Variants in DLGAP3 observed in about 807,000 individuals in gnomAD.
The protein encoded by DLGAP3 is DLG associated protein 3.
A neutral mutation model predicts 81.2 loss-of-function variants in DLGAP3; 17 were observed. The ratio of observed to expected loss-of-function variants is 0.21; its 90% CI spans 0.14 to 0.31. The LOEUF (loss-of-function observed/expected upper bound fraction) is 0.31, where lower values mean the gene tolerates loss of function less well. Among genes scored for constraint, DLGAP3 ranks in the 10% least tolerant of loss-of-function variants. DLGAP3 has a pLI of 1.00. For missense variants in DLGAP3, 1,124 were observed against 1,388.0 expected (o/e 0.81, Z 3.02); for synonymous variants, 577 against 587.4 (o/e 0.98, Z 0.26).
intron 7 of DLGAP3, 109 bp downstream of exon 7, chr1:34,885,369 G>T: frequency 7.8e-7 from 1 of 1,287,042 alleles, no homozygotes; most frequent in Non-Finnish European, 1.1e-6. Context: ...TTGCAGCTCA[G>T]GGCAAGCCAG....
At chr1:34,905,963 A>G (rs1212274123) in intron 2 of DLGAP3, among the ~76,000 whole-genome samples, 2 of 144,200 alleles carry the variant, frequency 1.4e-5, no homozygotes, top group Non-Finnish European at 3.0e-5. Context: ...CTATGATTGT[A>G]TTATACCAAT....
At position 34,867,451 on chromosome 1, in the gene DLGAP3, C is replaced by T; in HGVS notation, c.2577+85G>A. The T allele has an allele frequency of 7.9e-7, 1 of 1,263,840 alleles. No individual in the cohort carries two copies. Among genetic ancestry groups the T allele is most frequent in the South Asian group, 1.2e-5 (1 of 84,070 alleles). The allele number at this position is 1,263,840 out of a possible 1,614,324, so 78.3% of individuals were successfully genotyped here. A position where few individuals can be genotyped will look rare whatever the true frequency, so the allele number is the denominator to read the frequency against. ...GTCTCACCTCTGGTACACACTCACT[C>T]TGGGTCACCTGCCTGTCTCACCTCC... On this transcript the variant is annotated intron_variant, in intron 10 of 11. Coordinates refer to ENST00000373347, the MANE Select transcript of DLGAP3 (RefSeq NM_001080418.3). The surrounding 1 kb of genome is among the most constrained non-coding windows in gnomAD (Gnocchi z 4.3).
At chr1:34,898,038 G>C (rs945657643) in intron 5 of DLGAP3, among the ~76,000 whole-genome samples, 1 of 152,188 alleles carries the variant, frequency 6.6e-6, no homozygotes, top group African/African-American at 2.4e-5. Context: ...CAGCAGTTTA[G>C]TTTTGGACAT....
At chr1:34,919,943 A>G (rs1256683650) in intron 1 of DLGAP3, among the ~76,000 whole-genome samples, 1 of 152,208 alleles carries the variant, frequency 6.6e-6, no homozygotes, top group Non-Finnish European at 1.5e-5. Context: ...TCCTAAGTCC[A>G]TACTTGGCTA....
chr1:34,917,362 T>G (rs1026032143), intron 1 of DLGAP3, among the ~76,000 whole-genome samples: 6 of 151,302 alleles, frequency 4.0e-5, no homozygotes, highest in Non-Finnish European at 8.8e-5. Flanking sequence ...TTTTTTTTTT[T>G]TTCGAGATAG....
At chr1:34,918,895 G>A (rs563104238) in intron 1 of DLGAP3, among the ~76,000 whole-genome samples, 6 of 152,286 alleles carry the variant, frequency 3.9e-5, no homozygotes, top group Admixed American at 2.0e-4. Flanking sequence ...CTAGGGCCGG[G>A]GCCAAGCTAG....
chr1:34,884,247 T>C (rs1465792540), intron 8 of DLGAP3, among the ~76,000 whole-genome samples: 13 of 151,970 alleles, frequency 8.6e-5, no homozygotes, highest in Non-Finnish European at 1.8e-4. Context: ...CCTCCAGTCG[T>C]ATGGCCTGGG....
At chr1:34,897,921 A>C (rs1466784433) in intron 5 of DLGAP3, among the ~76,000 whole-genome samples, 2 of 152,190 alleles carry the variant, frequency 1.3e-5, no homozygotes, top group Non-Finnish European at 2.9e-5. Context: ...TTTAAACCAG[A>C]GCTTCTAGAA....
intron 8 of DLGAP3, among the ~76,000 whole-genome samples, chr1:34,877,390 A>T (rs1639074794): frequency 6.6e-6 from 1 of 152,216 alleles, no homozygotes; most frequent in Admixed American, 6.5e-5. Flanking sequence ...TCAAATGAGT[A>T]TTACCTGTGA....
chr1:34,867,350 C>T lies in DLGAP3; in HGVS notation c.2578-159G>A, dbSNP rs1166887521. ...GGGGACAAGAGCGAGCCCAGGACTC[C>T]CCTTCTTGTGCACAAACACCTGGTC... On this transcript the variant is annotated intron_variant, in intron 10 of 11. Coordinates refer to ENST00000373347, the MANE Select transcript of DLGAP3 (RefSeq NM_001080418.3). This position sits in a 1 kb window ranked among gnomAD's most constrained non-coding sequence, Gnocchi z 4.3. Among the ~76,000 whole-genome samples the T allele has an allele frequency of 6.6e-6, 1 of 152,060 alleles. No homozygotes were observed. Among genetic ancestry groups the T allele is most frequent in the African/African-American group, 2.4e-5 (1 of 41,376 alleles).
chr1:34,904,694 ATGG>A lies in DLGAP3; in HGVS notation c.687_689del (p.His234del). Reference sequence around the variant, plus strand: ...CGTGCCGGGACTGGTGGTGGTGGTGATGGTGGTGGTGATGGTGGTGATGGGAGG... The same window carrying A: ...CGTGCCGGGACTGGTGGTGGTGGTGATGGTGGTGATGGTGGTGATGGGAGG... On this transcript the variant is annotated inframe_deletion, in exon 3 of 12. Coordinates refer to ENST00000373347, the MANE Select transcript of DLGAP3 (RefSeq NM_001080418.3). This position sits in a 1 kb window ranked among gnomAD's most constrained non-coding sequence, Gnocchi z 8.1. 6.2e-7 allele frequency: 1 copy of A among 1,613,412 alleles called. No individual in the cohort carries two copies. The highest frequency in any genetic ancestry group is 8.5e-7 in the Non-Finnish European group (1 of 1,179,906).
chr1:34,888,919 C>T (rs562150579), intron 5 of DLGAP3, among the ~76,000 whole-genome samples: 1 of 152,312 alleles, frequency 6.6e-6, no homozygotes, highest in South Asian at 2.1e-4. Flanking sequence ...CCCAGAGTGT[C>T]CCTCTTGGAG....
Position 34,868,346 on chromosome 1 carries a change from C to G in DLGAP3, c.2485+259G>C, listed in dbSNP as rs1176736476. 6.6e-6 allele frequency among the ~76,000 whole-genome samples: 1 copy of G among 152,234 alleles called. No individual in the cohort carries two copies. Among genetic ancestry groups the G allele is most frequent in the Non-Finnish European group, 1.5e-5 (1 of 68,028 alleles). On this transcript the variant is annotated intron_variant, in intron 9 of 11. Transcript: ENST00000373347. The surrounding 1 kb of genome is among the most constrained non-coding windows in gnomAD (Gnocchi z 7.5). ...GACTAGCAGCCATCCATAGAAGGCC[C>G]AGCCCTTTGGCCTGCAGTGTCTGCA...
In DLGAP3 at chr1:34,896,421, T is replaced by C. The variant is rs150512796; in HGVS notation, c.1386+3248A>G. ...GGCCAACATAGTGAAACCCCGTCTC[T>C]ACTACAAATACAAAACAGTTAGCCA... On this transcript the variant is annotated intron_variant, in intron 5 of 11. Transcript: ENST00000373347. Among the ~76,000 whole-genome samples the C allele has an allele frequency of 7.8e-4, 118 of 152,200 alleles. No homozygotes were observed. In the East Asian group the frequency reaches 0.016, roughly 21 times the overall value.
At chr1:34,927,105 C>T (rs1325949380) in intron 1 of DLGAP3, among the ~76,000 whole-genome samples, 1 of 152,176 alleles carries the variant, frequency 6.6e-6, no homozygotes, top group African/African-American at 2.4e-5. Flanking sequence ...CCATGGCCTA[C>T]CTCGGTGGTG....
Position 34,899,258 on chromosome 1 carries a change from C to T in DLGAP3, c.1386+411G>A, listed in dbSNP as rs369919848. Among the ~76,000 whole-genome samples the T allele has an allele frequency of 6.4e-4, 97 of 152,172 alleles. 1 individual carries two copies. The highest frequency in any genetic ancestry group is 2.5e-3 in the East Asian group (13 of 5,168). ...TAATTTTTTATATTTTTAGTAGAGACGGGGTTTCACCGTGTTAGCCAGGCT... is the reference window on the plus strand; with the variant it reads ...TAATTTTTTATATTTTTAGTAGAGATGGGGTTTCACCGTGTTAGCCAGGCT... On this transcript the variant is annotated intron_variant, in intron 5 of 11. Coordinates refer to ENST00000373347, the MANE Select transcript of DLGAP3 (RefSeq NM_001080418.3).
chr1:34,865,724 GGA>G lies in DLGAP3; in HGVS notation c.*357_*358del, dbSNP rs1173040540. ...ACGAAGCCCAGCCCCGCGGGGTGGGGGAGGGGGGGACGCAGAGCCCAGATGAG... is the reference window on the plus strand; with the variant it reads ...ACGAAGCCCAGCCCCGCGGGGTGGGGGGGGGGGACGCAGAGCCCAGATGAG... On this transcript the variant is annotated 3_prime_UTR_variant, in exon 12 of 12. Coordinates refer to ENST00000373347, the MANE Select transcript of DLGAP3 (RefSeq NM_001080418.3). 202 of 337,120 alleles carry G rather than the reference GGA, an allele frequency of 6.0e-4. No individual in the cohort carries two copies. The highest frequency in any genetic ancestry group is 3.9e-3 in the African/African-American group (168 of 43,382). 20.9% of individuals were successfully genotyped at this position (337,120 alleles called of 1,614,324 possible). A position where few individuals can be genotyped will look rare whatever the true frequency, so the allele number is the denominator to read the frequency against.
At position 34,885,995 on chromosome 1, in the gene DLGAP3, T is replaced by A. The variant is rs972610170; in HGVS notation, c.1600+77A>T. 47 of 1,424,638 alleles carry A rather than the reference T, an allele frequency of 3.3e-5. 1 individual carries two copies. The South Asian group carries it at 4.2e-4, about 13-fold the overall frequency. The allele number at this position is 1,424,638 out of a possible 1,614,324, so 88.2% of individuals were successfully genotyped here. A position where few individuals can be genotyped will look rare whatever the true frequency, so the allele number is the denominator to read the frequency against. ...GCGATCTGCGCGGGTCACAGCACAG[T>A]CGAGGGGGAGGCCAGAACCCGGACC... On this transcript the variant is annotated intron_variant, in intron 6 of 11. Transcript: ENST00000373347.
intron 1 of DLGAP3, among the ~76,000 whole-genome samples, chr1:34,916,067 C>A (rs1639712092): frequency 6.6e-6 from 1 of 152,138 alleles, no homozygotes; most frequent in Non-Finnish European, 1.5e-5. Flanking sequence ...TATGAACACA[C>A]ATGGCATACA....
Sources: gnomAD v4.1 joint callset for allele counts (sites outside exome capture counted in the v4.1 genomes callset) on GRCh38, gnomAD v4.1.1 for gene constraint, Gnocchi (gnomAD v3.1) non-coding constraint, MANE v1.5 for transcripts, NCBI Gene and HGNC (gene_info 2026-07-23, HGNC 2026-07-21) for gene names.